The following LRRC72 variants were observed in gnomAD, a reference collection of about 807,000 sequenced individuals.
LRRC72 encodes leucine-rich repeat-containing protein 72.
LRRC72 carries 41 observed loss-of-function variants against 35.8 expected under a neutral mutation model. The observed-to-expected ratio is 1.15, with a 90% CI of 0.89 to 1.49. LRRC72 has a LOEUF of 1.49. Ranked by LOEUF, LRRC72 falls within the 40% of genes most tolerant of loss-of-function variation. The pLI is 0.00. For missense variants in LRRC72, 389 were observed against 330.7 expected (o/e 1.18, Z -1.37); for synonymous variants, 118 against 119.2 (o/e 0.99, Z 0.07).
intron 5 of LRRC72, among the ~76,000 whole-genome samples, chr7:16,563,283 T>G (rs1370875066): frequency 1.3e-5 from 2 of 152,200 alleles, no homozygotes; most frequent in African/African-American, 2.4e-5. Flanking sequence ...ATGGCTTTTT[T>G]TTTTCCTCTT....
chr7:16,563,531 C>T (rs1389357618), intron 5 of LRRC72, among the ~76,000 whole-genome samples: 2 of 152,158 alleles, frequency 1.3e-5, no homozygotes, highest in African/African-American at 2.4e-5. Context: ...AGCAATTTCT[C>T]TTCATGGTTT....
rs1783144453 is a variant in LRRC72 at position 16,581,566 on chromosome 7, T to TAG, written c.*78_*79insGA. ...CCTGTGACTTAGCATATTACATACT[T>TAG]ACAATGATATTATTTGAGACATCTA... On this transcript the variant is annotated 3_prime_UTR_variant, in exon 9 of 9. Transcript: ENST00000401542. 9.3e-7 allele frequency: 1 copy of TAG among 1,070,956 alleles called. No homozygotes were observed. The highest frequency in any genetic ancestry group is 2.9e-5 in the East Asian group (1 of 34,154). 66.3% of individuals were successfully genotyped at this position (1,070,956 alleles called of 1,614,324 possible).
intron 5 of LRRC72, among the ~76,000 whole-genome samples, chr7:16,564,265 G>C (rs1227850957): frequency 1.3e-5 from 2 of 152,100 alleles, no homozygotes; most frequent in African/African-American, 4.8e-5. Context: ...AAGCATCTGT[G>C]ACTTTTTCTT....
At chr7:16,551,081 C>A (rs1782540147) in intron 3 of LRRC72, among the ~76,000 whole-genome samples, 2 of 152,090 alleles carry the variant, frequency 1.3e-5, no homozygotes, top group Admixed American at 1.3e-4. Flanking sequence ...CGTGATTAAG[C>A]TAAAATGGGT....
At chr7:16,529,777 C>A (rs1319565969) in intron 1 of LRRC72, among the ~76,000 whole-genome samples, 1 of 152,182 alleles carries the variant, frequency 6.6e-6, no homozygotes, top group African/African-American at 2.4e-5. Flanking sequence ...TCCCTTTCAC[C>A]TCACATTTTT....
intron 2 of LRRC72, among the ~76,000 whole-genome samples, chr7:16,536,165 G>A (rs892512408): frequency 2.6e-5 from 4 of 152,010 alleles, no homozygotes; most frequent in African/African-American, 9.7e-5. Flanking sequence ...GAGCCACCAT[G>A]CCCAGCCCAA....
chr7:16,551,642 A>C (rs1782551147), intron 3 of LRRC72, among the ~76,000 whole-genome samples: 1 of 152,190 alleles, frequency 6.6e-6, no homozygotes, highest in Non-Finnish European at 1.5e-5. Flanking sequence ...GAGTTTCCAG[A>C]TAGCTGAACA....
chr7:16,564,157 G>C (rs913528233), intron 5 of LRRC72, among the ~76,000 whole-genome samples: 1 of 152,182 alleles, frequency 6.6e-6, no homozygotes, highest in East Asian at 1.9e-4. Flanking sequence ...CATATGTAAA[G>C]GCAGACTCTA....
chr7:16,569,064 C>T (rs1782897823), intron 7 of LRRC72, among the ~76,000 whole-genome samples: 1 of 152,184 alleles, frequency 6.6e-6, no homozygotes, highest in Non-Finnish European at 1.5e-5. Context: ...TATATGCCCA[C>T]ATATATTCAA....
intron 3 of LRRC72, among the ~76,000 whole-genome samples, chr7:16,539,577 G>A (rs1782320140): frequency 1.3e-5 from 2 of 152,220 alleles, no homozygotes. Flanking sequence ...TAAGTAAGGA[G>A]GAGCCAAATG....
chr7:16,572,016 G>T (rs1222554653), intron 7 of LRRC72, among the ~76,000 whole-genome samples: 1 of 152,148 alleles, frequency 6.6e-6, no homozygotes, highest in East Asian at 1.9e-4. Context: ...GGGGGGAGGG[G>T]CATCTGCCAA....
chr7:16,576,099 C>T (rs1583655262), intron 7 of LRRC72, among the ~76,000 whole-genome samples: 3 of 152,066 alleles, frequency 2.0e-5, no homozygotes, highest in African/African-American at 4.8e-5. Context: ...CTCTAATAAT[C>T]GATAGGACAA....
Position 16,537,631 on chromosome 7 carries a change from C to A in LRRC72, c.169C>A (p.Leu57Met), listed in dbSNP as rs1232486284. 2 of 1,519,526 alleles carry A rather than the reference C, an allele frequency of 1.3e-6. No individual in the cohort carries two copies. The highest frequency in any genetic ancestry group is 2.5e-5 in the East Asian group (1 of 40,278). The allele number at this position is 1,519,526 out of a possible 1,614,324, so 94.1% of individuals were successfully genotyped here. ...ACATTTTTTTTTTCTTTCCAGGGAA[C>A]TGACAGAGGTCATTGATCTTTCTAG... is the stretch of plus-strand genomic sequence containing the variant. Reference protein sequence around the residue: ...VFELFLSKKELTEVIDLSRFK... With the variant: ...VFELFLSKKEMTEVIDLSRFK... Residue 57 changes from leucine (L) to methionine (M), a missense_variant, in exon 3 of 9, where the codon CTG (leucine) becomes ATG (methionine). Transcript: ENST00000401542.
At chr7:16,552,669 G>A (rs1392218372) in intron 3 of LRRC72, among the ~76,000 whole-genome samples, 1 of 152,188 alleles carries the variant, frequency 6.6e-6, no homozygotes, top group African/African-American at 2.4e-5. Context: ...GACAGTTCCT[G>A]GAACTCAAAA....
At chr7:16,570,793 A>G (rs1264703495) in intron 7 of LRRC72, among the ~76,000 whole-genome samples, 1 of 152,164 alleles carries the variant, frequency 6.6e-6, no homozygotes, top group African/African-American at 2.4e-5. Context: ...GCACTCCAAC[A>G]GAACGAGACC....
At position 16,537,584 on chromosome 7, in the gene LRRC72, G is replaced by A. The variant is rs1180892635; in HGVS notation, c.165-43G>A. On this transcript the variant is annotated intron_variant, in intron 2 of 8. Transcript: ENST00000401542. ...TACATGCCCAGACTTACCTATGTGT[G>A]AACTAATTGTTGCTAATGTTCACAT... 10 of 1,231,370 alleles carry A rather than the reference G, an allele frequency of 8.1e-6. No individual in the cohort carries two copies. In the East Asian group the frequency reaches 1.6e-4, roughly 19 times the overall value. 76.3% of individuals were successfully genotyped at this position (1,231,370 alleles called of 1,614,324 possible).
chr7:16,564,598 T>A (rs1782796561), intron 5 of LRRC72, among the ~76,000 whole-genome samples: 1 of 152,204 alleles, frequency 6.6e-6, no homozygotes, highest in South Asian at 2.1e-4. Flanking sequence ...GGCTCCTGGC[T>A]CTACATTTTC....
chr7:16,531,285 G>A (rs961095059), intron 1 of LRRC72, among the ~76,000 whole-genome samples: 1 of 151,882 alleles, frequency 6.6e-6, no homozygotes, highest in East Asian at 1.9e-4. Context: ...GTCGGCTTGT[G>A]TAACTGGATA....
chr7:16,541,796 C>T lies in LRRC72; in HGVS notation c.234+4100C>T, dbSNP rs375946675. 1.4e-4 allele frequency among the ~76,000 whole-genome samples: 22 copies of T among 152,296 alleles called. No individual in the cohort carries two copies. In the East Asian group the frequency reaches 4.2e-3, roughly 29 times the overall value. ...TTGTGGTGGCGGGTACCTGTAATCC[C>T]AGCTACTCGCGAAGCAGAGGAAGAA... On this transcript the variant is annotated intron_variant, in intron 3 of 8. Coordinates refer to ENST00000401542, the MANE Select transcript of LRRC72 (RefSeq NM_001195280.2).
Sources: allele counts gnomAD v4.1 joint callset (sites outside exome capture counted in the v4.1 genomes callset), GRCh38; gene constraint gnomAD v4.1.1; transcripts MANE v1.5; gene names NCBI Gene and HGNC (gene_info 2026-07-23, HGNC 2026-07-21).